Variants in ADGRB2 observed in about 807,000 individuals in gnomAD.
ADGRB2 encodes the protein adhesion G protein-coupled receptor B2.
In ADGRB2, 47 loss-of-function variants were observed where a neutral mutation model predicts 178.7. That is an observed-to-expected ratio of 0.26 (90% CI 0.21 to 0.34). The LOEUF is 0.34. ADGRB2 is among the 10% of genes least tolerant of loss of function. The pLI, the probability that ADGRB2 is intolerant of heterozygous loss-of-function variation, is 1.00. For synonymous variants in ADGRB2, 870 were observed against 912.4 expected (o/e 0.95, Z 0.84); for missense variants, 1,584 against 2,180.8 (o/e 0.73, Z 5.45).
chr1:31,736,891 A>G (rs1645638737), intron 20 of ADGRB2, among the ~76,000 whole-genome samples, 168 bp from the exon 21 acceptor site: 1 of 152,050 alleles, frequency 6.6e-6, no homozygotes, highest in Non-Finnish European at 1.5e-5. Context: ...ACACAGCACG[A>G]CACGGGCCTG....
Position 31,735,630 on chromosome 1 carries a change from C to T in ADGRB2, c.3303G>A (p.Lys1101=), listed in dbSNP as rs763765897. The T allele has an allele frequency of 5.6e-6, 9 of 1,610,816 alleles. No homozygotes were observed. The South Asian group carries it at 7.7e-5, about 14-fold the overall frequency. The part of the protein sequence containing the change: ...NMLIGIIVFN[K]LMARDGISDK... Reference sequence around the variant, plus strand: ...CGGAGATGCCATCACGTGCCATGAGCTTGTTGAAGACGATGATTCCGATGA... The same window carrying T: ...CGGAGATGCCATCACGTGCCATGAGTTTGTTGAAGACGATGATTCCGATGA... The change falls in exon 24 of 33, where the codon AAG becomes AAA. Residue 1101 remains lysine, a synonymous_variant. Coordinates refer to ENST00000373658, the MANE Select transcript of ADGRB2 (RefSeq NM_001364857.2). The surrounding 1 kb of genome is among the most constrained non-coding windows in gnomAD (Gnocchi z 6.0).
intron 1 of ADGRB2, among the ~76,000 whole-genome samples, chr1:31,757,824 G>A (rs1055816515): frequency 1.3e-5 from 2 of 152,170 alleles, no homozygotes; most frequent in African/African-American, 4.8e-5. Context: ...GTTCCTAAGA[G>A]TGGGGACCCA....
chr1:31,736,238 G>T, intron 22 of ADGRB2, 83 bp downstream of exon 22: 1 of 1,508,894 alleles, frequency 6.6e-7, no homozygotes, highest in Non-Finnish European at 9.1e-7. Context: ...AACAGGCATG[G>T]GCTAGGATTT....
Position 31,756,541 on chromosome 1 carries a change from G to A in ADGRB2, c.296C>T (p.Pro99Leu). The A allele has an allele frequency of 6.2e-7, 1 of 1,613,402 alleles. No homozygotes were observed. Among genetic ancestry groups the A allele is most frequent in the South Asian group, 1.1e-5 (1 of 90,984 alleles). The change falls in exon 4 of 33, where the codon CCC becomes CTC. Residue 99 changes from proline (P) to leucine (L), a missense_variant. This residue lies in a region of ADGRB2 where 657 missense variants were observed against 847.6 expected (regional missense o/e 0.78). Transcript: ENST00000373658. The surrounding 1 kb of genome is among the most constrained non-coding windows in gnomAD (Gnocchi z 8.5). ...AAAGTTGACCAGGTAGTGGTCCAGG[G>A]GCAGCAGGCGGGGGGCAAAGTGTGC... ...VCAHFAPRLLPLDHYLVNFTC... is the reference protein window; with the variant it reads ...VCAHFAPRLLLLDHYLVNFTC...
At chr1:31,745,946 C>T (rs1487382344) in intron 4 of ADGRB2, among the ~76,000 whole-genome samples, 1 of 152,066 alleles carries the variant, frequency 6.6e-6, no homozygotes, top group Non-Finnish European at 1.5e-5. Context: ...CACTCTGGGG[C>T]CTTTCCCTCC....
Position 31,740,284 on chromosome 1 carries a change from C to T in ADGRB2, c.1989+63G>A. 1 of 1,604,076 alleles carries T rather than the reference C, an allele frequency of 6.2e-7. No individual in the cohort carries two copies. The highest frequency in any genetic ancestry group is 8.5e-7 in the Non-Finnish European group (1 of 1,173,342). On this transcript the variant is annotated intron_variant, in intron 12 of 32. Transcript: ENST00000373658. The surrounding 1 kb of genome is among the most constrained non-coding windows in gnomAD (Gnocchi z 5.9). The stretch of plus-strand genomic sequence containing the variant: ...CTCTACAGCAGACTCTGCCTAGGGG[C>T]CTGGCCTCCCGCTTCAGTTTGGGCC...
At position 31,735,580 on chromosome 1, in the gene ADGRB2, C is replaced by T; in HGVS notation, c.3353G>A (p.Gly1118Glu). ...CAAGTCTCAGAGGCCCCCCCCTTACCCGGCCCTCTGCTTCTTGGATTTGTC... is the reference window on the plus strand; with the variant it reads ...CAAGTCTCAGAGGCCCCCCCCTTACTCGGCCCTCTGCTTCTTGGATTTGTC... ...ISDKSKKQRA[G>E]SERCPWASLL... is the part of the protein sequence containing the mutation. The change falls in exon 24 of 33, where the codon GGG (glycine) becomes GAG (glutamate). Residue 1118 changes from glycine to glutamate, a missense_variant and splice_region_variant. By Grantham distance (98) the Gly-to-Glu change is moderately conservative. This residue lies in a region of ADGRB2 where 865 missense variants were observed against 1,192.8 expected (regional missense o/e 0.73). Coordinates refer to ENST00000373658, the MANE Select transcript of ADGRB2 (RefSeq NM_001364857.2). The surrounding 1 kb of genome is among the most constrained non-coding windows in gnomAD (Gnocchi z 6.0). 2 of 1,613,894 alleles carry T rather than the reference C, an allele frequency of 1.2e-6. No homozygotes were observed. Among genetic ancestry groups the T allele is most frequent in the Non-Finnish European group, 1.7e-6 (2 of 1,179,808 alleles).
chr1:31,743,329 C>G (rs1646088667), intron 6 of ADGRB2: 1 of 275,164 alleles, frequency 3.6e-6, no homozygotes. Flanking sequence ...GGACCCAGGA[C>G]CCACGCCATT....
Position 31,753,653 on chromosome 1 carries a change from G to A in ADGRB2, c.838+2346C>T, listed in dbSNP as rs1478036914. 1.3e-5 allele frequency among the ~76,000 whole-genome samples: 2 copies of A among 152,238 alleles called. No homozygotes were observed. Among genetic ancestry groups the A allele is most frequent in the Non-Finnish European group, 2.9e-5 (2 of 68,040 alleles). ...TGCCAGTCCATTCTCCTGCAGCCCA[G>A]TGGGGAGGAGACAAGGGGAGGAATG... On this transcript the variant is annotated intron_variant, in intron 4 of 32. Transcript: ENST00000373658. This position sits in a 1 kb window ranked among gnomAD's most constrained non-coding sequence, Gnocchi z 4.1.
At chr1:31,729,811 G>A (rs1478159744) in intron 29 of ADGRB2, among the ~76,000 whole-genome samples, 1 of 152,240 alleles carries the variant, frequency 6.6e-6, no homozygotes, top group African/African-American at 2.4e-5. Context: ...CCGCCATGAC[G>A]CCAAGCGCGC....
chr1:31,744,484 A>G lies in ADGRB2; in HGVS notation c.923-127T>C. On this transcript the variant is annotated intron_variant, in intron 5 of 32. Coordinates refer to ENST00000373658, the MANE Select transcript of ADGRB2 (RefSeq NM_001364857.2). This position sits in a 1 kb window ranked among gnomAD's most constrained non-coding sequence, Gnocchi z 6.7. ...GCTCCTCCTACCCTGACCCCAAGTA[A>G]CAGGCTCTTCAGGAGGCCACCCAGC... The G allele has an allele frequency of 1.4e-6, 2 of 1,453,492 alleles. No individual in the cohort carries two copies. The highest frequency in any genetic ancestry group is 2.5e-5 in the South Asian group (2 of 79,464). 90.0% of individuals were successfully genotyped at this position (1,453,492 alleles called of 1,614,324 possible).
chr1:31,734,605 A>ATT lies in ADGRB2; in HGVS notation c.3452+576_3452+577dup, dbSNP rs1422102367. ...GAGGTTGAGCCTAAGGTCTTTGTGG[A>ATT]TTTGTTTTACCCTTGCATAGCTGGG... is the stretch of plus-strand genomic sequence containing the variant. On this transcript the variant is annotated intron_variant, in intron 25 of 32. Transcript: ENST00000373658. Among the ~76,000 whole-genome samples the ATT allele has an allele frequency of 9.9e-5, 15 of 152,146 alleles. No homozygotes were observed. The South Asian group carries it at 3.1e-3, about 32-fold the overall frequency.
intron 1 of ADGRB2, among the ~76,000 whole-genome samples, chr1:31,760,010 CCT>C (rs35690898): frequency 0.015 from 2,287 of 152,344 alleles, 19 homozygotes; most frequent in Non-Finnish European, 0.022. Context: ...AGCCCTGTCT[CCT>C]CTCTGTCTTT....
rs145689822 is a variant in ADGRB2 at position 31,740,895 on chromosome 1, G to GCACACACACA, written c.1795-364_1795-355dup. 0.03 allele frequency among the ~76,000 whole-genome samples: 4,146 copies of GCACACACACA among 140,388 alleles called. 90 individuals carry two copies. The highest frequency in any genetic ancestry group is 0.049 in the African/African-American group (1,821 of 37,502). 92.1% of individuals were successfully genotyped at this position (140,388 alleles called of 152,430 possible). On this transcript the variant is annotated intron_variant, in intron 11 of 32. Transcript: ENST00000373658. The surrounding 1 kb of genome is among the most constrained non-coding windows in gnomAD (Gnocchi z 5.9). The stretch of plus-strand genomic sequence containing the variant: ...AATGAGCATGTGTGTGGGCGCGCGC[G>GCACACACACA]CACACACACACACACACACACACAC...
rs911191724 is a variant in ADGRB2, at chr1:31,763,935, C to A, written c.-242G>T. On this transcript the variant is annotated 5_prime_UTR_variant, in exon 1 of 33. Coordinates refer to ENST00000373658, the MANE Select transcript of ADGRB2 (RefSeq NM_001364857.2). The stretch of plus-strand genomic sequence containing the variant: ...GGGCCGGCGCTGGCGGGGGCGGCCA[C>A]GGGGCGCAAGTTTGCCATCCCTAAG... 3.0e-5 allele frequency: 30 copies of A among 985,324 alleles called. No individual in the cohort carries two copies. The highest frequency in any genetic ancestry group is 1.0e-3 in the Middle Eastern group (2 of 1,932). 61.0% of individuals were successfully genotyped at this position (985,324 alleles called of 1,614,324 possible). A position where few individuals can be genotyped will look rare whatever the true frequency, so the allele number is the denominator to read the frequency against.
chr1:31,729,507 C>T (rs531816845), intron 29 of ADGRB2, among the ~76,000 whole-genome samples: 1 of 152,228 alleles, frequency 6.6e-6, no homozygotes, highest in Non-Finnish European at 1.5e-5. Context: ...CTGCCTTTAC[C>T]ACACACACGT....
intron 4 of ADGRB2, among the ~76,000 whole-genome samples, chr1:31,751,029 G>T (rs193264777): frequency 6.6e-6 from 1 of 151,938 alleles, no homozygotes; most frequent in Non-Finnish European, 1.5e-5. Flanking sequence ...CCCCCAAGAC[G>T]CCCAGTTTCT....
Position 31,735,816 on chromosome 1 carries a change from C to T in ADGRB2, c.3267+11G>A, listed in dbSNP as rs113133865. 7,965 of 1,608,538 alleles carry T rather than the reference C, an allele frequency of 5.0e-3. 45 individuals are homozygous for T. Among genetic ancestry groups the T allele is most frequent in the East Asian group, 0.022 (991 of 44,674 alleles). ...GCCATGCCCCTTCCAAGATGCTGAA[C>T]GGGCACATACCAGGACAATGACGGC... On this transcript the variant is annotated intron_variant, in intron 23 of 32. Transcript: ENST00000373658. The surrounding 1 kb of genome is among the most constrained non-coding windows in gnomAD (Gnocchi z 6.0).
Position 31,753,794 on chromosome 1 carries a change from A to G in ADGRB2, c.838+2205T>C, listed in dbSNP as rs557322468. On this transcript the variant is annotated intron_variant, in intron 4 of 32. Coordinates refer to ENST00000373658, the MANE Select transcript of ADGRB2 (RefSeq NM_001364857.2). The surrounding 1 kb of genome is among the most constrained non-coding windows in gnomAD (Gnocchi z 4.1). ...CAGTCATGTGCCCGCTATGTCTCAC[A>G]CCAGAAAGGTTGGGCAGGAGGGAGG... is the stretch of plus-strand genomic sequence containing the variant. 1.3e-5 allele frequency among the ~76,000 whole-genome samples: 2 copies of G among 152,114 alleles called. No homozygotes were observed. The highest frequency in any genetic ancestry group is 1.3e-4 in the Admixed American group (2 of 15,284).
Sources: gnomAD v4.1 joint callset for allele counts (sites outside exome capture counted in the v4.1 genomes callset) on GRCh38, gnomAD v4.1.1 for gene constraint, gnomAD v4.1.1 regional missense constraint, Gnocchi (gnomAD v3.1) non-coding constraint, MANE v1.5 for transcripts, NCBI Gene and HGNC (gene_info 2026-07-23, HGNC 2026-07-21) for gene names.